STPG4: variants seen among roughly 807,000 people sequenced by gnomAD.
The protein encoded by STPG4 is protein STPG4.
Under a neutral mutation model 31.5 loss-of-function variants are expected in STPG4, and 41 were observed. The observed-to-expected ratio is 1.30, with a 90% confidence interval of 1.01 to 1.69. The LOEUF is 1.69. Among genes scored for constraint, STPG4 ranks in the 40% most tolerant of loss-of-function variants. The pLI is 0.00. For synonymous variants in STPG4, 141 were observed against 103.0 expected, an observed-to-expected ratio of 1.37 and a Z score of -2.24; for missense variants, 375 against 293.4, an observed-to-expected ratio of 1.28 and a Z score of -2.03.
chr2:47,092,713 G>C (rs1685596275), intron 5 of STPG4, among the ~76,000 whole-genome samples: 1 of 152,016 alleles, frequency 6.6e-6, no homozygotes, highest in Admixed American at 6.5e-5. Context: ...GTATCTGTAA[G>C]ATCCTTATAA....
chr2:47,145,009 C>T (rs1046169982), intron 3 of STPG4, among the ~76,000 whole-genome samples: 57 of 152,302 alleles, frequency 3.7e-4, no homozygotes, highest in South Asian at 1.5e-3. Flanking sequence ...GGATTACAGG[C>T]GTGAGCCACC....
intron 5 of STPG4, among the ~76,000 whole-genome samples, chr2:47,099,468 A>T (rs1160045901): frequency 1.3e-5 from 2 of 152,262 alleles, no homozygotes; most frequent in Non-Finnish European, 1.5e-5. Flanking sequence ...ACAGTAGGAG[A>T]AGCAACTTCA....
chr2:47,095,778 C>A (rs1685658495), intron 5 of STPG4, among the ~76,000 whole-genome samples: 1 of 152,286 alleles, frequency 6.6e-6, no homozygotes, highest in South Asian at 2.1e-4. Flanking sequence ...ACTTTCCCAG[C>A]CTCCCTGGCA....
intron 6 of STPG4, 131 bp downstream of exon 6, chr2:47,090,139 G>T: frequency 1.6e-6 from 1 of 626,566 alleles, no homozygotes; most frequent in Non-Finnish European, 2.8e-6. Context: ...GTATCTACCA[G>T]AACTGTACAC....
At chr2:47,128,157 G>A (rs184415925) in intron 5 of STPG4, among the ~76,000 whole-genome samples, 2 of 152,314 alleles carry the variant, frequency 1.3e-5, no homozygotes, top group Admixed American at 6.5e-5. Context: ...GGATTACCAG[G>A]CAGAGACTCT....
At chr2:47,151,972 C>G (rs1489189531) in intron 2 of STPG4, among the ~76,000 whole-genome samples, 1 of 150,652 alleles carries the variant, frequency 6.6e-6, no homozygotes, top group Non-Finnish European at 1.5e-5. Flanking sequence ...ACTGTGTTAG[C>G]CAGGATGGTC....
chr2:47,114,256 G>A (rs1042012106), intron 5 of STPG4, among the ~76,000 whole-genome samples: 31 of 151,962 alleles, frequency 2.0e-4, no homozygotes, highest in African/African-American at 7.5e-4. Context: ...TGTAATCCCA[G>A]CACTTTGGAA....
chr2:47,130,473 A>G (rs910623466), intron 3 of STPG4, among the ~76,000 whole-genome samples: 1 of 152,228 alleles, frequency 6.6e-6, no homozygotes, highest in Non-Finnish European at 1.5e-5. Flanking sequence ...TATAGACAGC[A>G]TACCTGAGAT....
chr2:47,113,394 C>A (rs1686080091), intron 5 of STPG4, among the ~76,000 whole-genome samples: 1 of 152,182 alleles, frequency 6.6e-6, no homozygotes, highest in Non-Finnish European at 1.5e-5. Context: ...CTCCACCCAA[C>A]AGATAACTGG....
rs747003046 is a variant in STPG4 at position 47,129,984 on chromosome 2, A to G, written c.476T>C (p.Phe159Ser). ...VPKYASRSCV[F>S]RSTVQRFPTT... ...TGGGAATCTTTGAACTGTTGAGCGA[A>G]ATACACAGCTCCTATATTTCAAAAT... The change falls in exon 5 of 7, where the codon TTT becomes TCT. Residue 159 changes from phenylalanine to serine, a missense_variant. By Grantham distance (155) the Phe-to-Ser change is radical. Transcript: ENST00000445927. The G allele has an allele frequency of 6.4e-7, 1 of 1,569,330 alleles. No individual in the cohort carries two copies. Among genetic ancestry groups the G allele is most frequent in the East Asian group, 2.2e-5 (1 of 44,666 alleles).
intron 3 of STPG4, among the ~76,000 whole-genome samples, chr2:47,132,443 C>G (rs934194769): frequency 6.6e-6 from 1 of 152,228 alleles, no homozygotes; most frequent in Non-Finnish European, 1.5e-5. Flanking sequence ...CACCCTGCAG[C>G]TGTCTTTCCC....
In STPG4 at chr2:47,118,766, G is replaced by A. The variant is rs2103764999; in HGVS notation, c.519+11175C>T. 2.6e-5 allele frequency among the ~76,000 whole-genome samples: 4 copies of A among 152,298 alleles called. No homozygotes were observed. The East Asian group carries it at 7.7e-4, about 29-fold the overall frequency. On this transcript the variant is annotated intron_variant, in intron 5 of 6. Transcript: ENST00000445927. ...AATTAATACTATCTCCCCAAGTTAT[G>A]AGGATTACATGAGACAGTCTATGTC...
intron 5 of STPG4, among the ~76,000 whole-genome samples, chr2:47,100,103 G>A (rs566868752): frequency 6.6e-6 from 1 of 152,244 alleles, no homozygotes; most frequent in South Asian, 2.1e-4. Flanking sequence ...ACCACCCAAG[G>A]GCTGAGGAGT....
intron 5 of STPG4, among the ~76,000 whole-genome samples, chr2:47,106,473 A>T (rs1299889310): frequency 6.6e-6 from 1 of 151,642 alleles, no homozygotes; most frequent in African/African-American, 2.4e-5. Flanking sequence ...ACTACCACAC[A>T]CTCTCAAAGG....
At position 47,100,116 on chromosome 2, in the gene STPG4, G is replaced by A. The variant is rs189186699; in HGVS notation, c.520-9742C>T. Among the ~76,000 whole-genome samples the A allele has an allele frequency of 5.6e-3, 847 of 152,168 alleles. 13 individuals carry two copies. Among genetic ancestry groups the A allele is most frequent in the African/African-American group, 0.02 (816 of 41,432 alleles). ...CGACCACCCAAGGGCTGAGGAGTGC[G>A]GGCACATGGTGCGGGACTGGCAGGC... On this transcript the variant is annotated intron_variant, in intron 5 of 6. Coordinates refer to ENST00000445927, the MANE Select transcript of STPG4 (RefSeq NM_001163561.2).
intron 5 of STPG4, among the ~76,000 whole-genome samples, chr2:47,095,721 T>A (rs1321640728): frequency 1.3e-5 from 2 of 152,154 alleles, no homozygotes; most frequent in African/African-American, 4.8e-5. Context: ...TTTCTTAGTG[T>A]TAGAACAATT....
At chr2:47,121,832 G>T (rs1010850864) in intron 5 of STPG4, among the ~76,000 whole-genome samples, 1 of 142,772 alleles carries the variant, frequency 7.0e-6, no homozygotes, top group African/African-American at 2.6e-5. Flanking sequence ...TTCTATATTT[G>T]AATTGCCCTC....
At chr2:47,107,924 A>G (rs1364174786) in intron 5 of STPG4, among the ~76,000 whole-genome samples, 1 of 151,352 alleles carries the variant, frequency 6.6e-6, no homozygotes, top group Non-Finnish European at 1.5e-5. Context: ...GCCTTGGAGA[A>G]CCTTTATGTC....
At chr2:47,121,484 G>A (rs942999672) in intron 5 of STPG4, among the ~76,000 whole-genome samples, 1 of 151,860 alleles carries the variant, frequency 6.6e-6, no homozygotes, top group South Asian at 2.1e-4. Context: ...CTAGAAAAAA[G>A]ACCTACAGAT....
Sources: gnomAD v4.1 joint callset for allele counts (sites outside exome capture counted in the v4.1 genomes callset) on GRCh38, gnomAD v4.1.1 for gene constraint, MANE v1.5 for transcripts, NCBI Gene and HGNC (gene_info 2026-07-23, HGNC 2026-07-21) for gene names.